PSMA7: variants seen among roughly 807,000 people sequenced by gnomAD.
PSMA7 encodes proteasome subunit alpha type-7.
Under a neutral mutation model 31.3 loss-of-function variants are expected in PSMA7, and 5 were observed. The observed-to-expected ratio is 0.16, with a 90% CI of 0.08 to 0.34. PSMA7 has a LOEUF of 0.34. PSMA7 is among the 10% of genes least tolerant of loss of function. The pLI is 1.00. For missense variants in PSMA7, 217 were observed against 327.5 expected (o/e 0.66, Z 2.60); for synonymous variants, 155 against 121.9 (o/e 1.27, Z -1.79).
In PSMA7 at chr20:62,139,796, G is replaced by C; in HGVS notation, c.333C>G (p.Ile111Met). Residue 111 changes from isoleucine to methionine, a missense_variant, in exon 3 of 7, where the codon ATC becomes ATG. Transcript: ENST00000370873. ...AGGCACCCACCTGCTTCAGACTGGC[G>C]ATGTAGCGGGTGATGTACTCCACAG... ...PVTVEYITRY[I>M]ASLKQRYTQS... The C allele has an allele frequency of 6.2e-7, 1 of 1,614,082 alleles. No individual in the cohort carries two copies. The highest frequency in any genetic ancestry group is 8.5e-7 in the Non-Finnish European group (1 of 1,180,044).
chr20:62,137,201 A>T (rs577626660), intron 6 of PSMA7, among the ~76,000 whole-genome samples, 163 bp downstream of exon 6: 1 of 152,362 alleles, frequency 6.6e-6, no homozygotes, highest in Non-Finnish European at 1.5e-5. Context: ...TCAGAGGAAG[A>T]TGGGAATCTT....
rs1357355646 is a variant in PSMA7 at position 62,143,286 on chromosome 20, G to A, written c.18C>T (p.Ala6=). 4 of 1,469,004 alleles carry A rather than the reference G, an allele frequency of 2.7e-6. No homozygotes were observed. The highest frequency in any genetic ancestry group is 1.5e-5 in the African/African-American group (1 of 67,162). 91.0% of individuals were successfully genotyped at this position (1,469,004 alleles called of 1,614,324 possible). The change falls in exon 1 of 7, where the codon GCC becomes GCT. Residue 6 remains alanine (A), a synonymous_variant. Coordinates refer to ENST00000370873, the MANE Select transcript of PSMA7 (RefSeq NM_002792.4). ...GGCCGTCGGGCGAGAAGACGGTGAT[G>A]GCGCGGTCGTAGCTCATGCCGGCGG... MSYDR[A]ITVFSPDGHL... is the part of the protein sequence containing the mutation.
chr20:62,143,349 C>T lies in PSMA7; in HGVS notation c.-46G>A. 4.8e-6 allele frequency: 6 copies of T among 1,253,078 alleles called. No individual in the cohort carries two copies. Among genetic ancestry groups the T allele is most frequent in the Non-Finnish European group, 6.3e-6 (6 of 957,392 alleles). 77.6% of individuals were successfully genotyped at this position (1,253,078 alleles called of 1,614,324 possible). ...CTCCTTCCGCCGCGACTCTCAAAAG[C>T]GCACACTCACGGCCCGCGCGCACCC... is the stretch of plus-strand genomic sequence containing the variant. On this transcript the variant is annotated 5_prime_UTR_variant, in exon 1 of 7. Transcript: ENST00000370873.
chr20:62,139,379 G>A (rs571134123), intron 3 of PSMA7, 182 bp from the exon 4 acceptor site: 1 of 826,220 alleles, frequency 1.2e-6, no homozygotes, highest in South Asian at 1.9e-5. Context: ...TTCACTCCTA[G>A]AAAAACTCAC....
chr20:62,138,045 G>C, intron 5 of PSMA7, 126 bp downstream of exon 5: 1 of 1,304,332 alleles, frequency 7.7e-7, no homozygotes, highest in Non-Finnish European at 1.1e-6. Flanking sequence ...GCAGTGCCTG[G>C]AACACAGCAG....
chr20:62,139,564 G>C, intron 3 of PSMA7: 2 of 804,528 alleles, frequency 2.5e-6, no homozygotes, highest in Middle Eastern at 4.7e-4. Flanking sequence ...TCCAGACACA[G>C]GAATTTGGAA....
At chr20:62,141,951 T>C (rs1019738967) in intron 1 of PSMA7, among the ~76,000 whole-genome samples, 5 of 152,248 alleles carry the variant, frequency 3.3e-5, no homozygotes, top group Non-Finnish European at 7.3e-5. Context: ...CTCAGCACTG[T>C]GAGCACCTGG....
At chr20:62,137,330 A>G (rs2056901594) in intron 6 of PSMA7, 34 bp downstream of exon 6, 6 of 1,602,592 alleles carry the variant, frequency 3.7e-6, no homozygotes, top group Non-Finnish European at 4.3e-6. Flanking sequence ...GAGAAAACTG[A>G]CAGGTAAAGA....
Position 62,143,308 on chromosome 20 carries a change from G to A in PSMA7, c.-5C>T, listed in dbSNP as rs759666064. Reference sequence around the variant, plus strand: ...GATGGCGCGGTCGTAGCTCATGCCGGCGGGCGGCGGCCGGGCTCCTTCCGC... The same window carrying A: ...GATGGCGCGGTCGTAGCTCATGCCGACGGGCGGCGGCCGGGCTCCTTCCGC... On this transcript the variant is annotated 5_prime_UTR_variant, in exon 1 of 7. Transcript: ENST00000370873. The A allele has an allele frequency of 2.8e-6, 4 of 1,404,508 alleles. No homozygotes were observed. The highest frequency in any genetic ancestry group is 3.3e-5 in the East Asian group (1 of 30,302). 87.0% of individuals were successfully genotyped at this position (1,404,508 alleles called of 1,614,324 possible). A position where few individuals can be genotyped will look rare whatever the true frequency, so the allele number is the denominator to read the frequency against.
chr20:62,137,063 A>G (rs2056898862), intron 6 of PSMA7, 114 bp from the exon 7 acceptor site: 5 of 1,403,524 alleles, frequency 3.6e-6, no homozygotes, highest in Middle Eastern at 1.9e-4. Context: ...GCCTCTTTGG[A>G]GAGGAACCTC....
At position 62,138,280 on chromosome 20, in the gene PSMA7, A is replaced by G; in HGVS notation, c.482T>C (p.Ile161Thr). The G allele has an allele frequency of 1.2e-6, 2 of 1,609,154 alleles. No homozygotes were observed. The highest frequency in any genetic ancestry group is 1.3e-5 in the African/African-American group (1 of 75,024). ...GCGCACTGACTTGGCACCCCGACCT[A>G]TGGCATTGGCCTAAAACAGACACGT... is the stretch of plus-strand genomic sequence containing the variant. ...GTYHAWKANAIGRGAKSVREF... is the reference protein window; with the variant it reads ...GTYHAWKANATGRGAKSVREF... The change falls in exon 5 of 7, where the codon ATA becomes ACA. Residue 161 changes from isoleucine (I) to threonine (T), a missense_variant. Transcript: ENST00000370873.
chr20:62,142,982 A>G (rs1221931744), intron 1 of PSMA7, among the ~76,000 whole-genome samples: 1 of 150,050 alleles, frequency 6.7e-6, no homozygotes, highest in African/African-American at 2.4e-5. Context: ...CGAGGCGCTG[A>G]GTGGGGAGAA....
intron 1 of PSMA7, among the ~76,000 whole-genome samples, chr20:62,141,686 T>C (rs2056928059): frequency 6.6e-6 from 1 of 152,232 alleles, no homozygotes; most frequent in Non-Finnish European, 1.5e-5. Flanking sequence ...GTTGTGAAAT[T>C]ATATTGAGCC....
At chr20:62,137,582 A>G in intron 5 of PSMA7, 156 bp from the exon 6 acceptor site, 1 of 705,962 alleles carries the variant, frequency 1.4e-6, no homozygotes, top group African/African-American at 1.8e-5. Context: ...TCCTAAACTC[A>G]TGGCCATTTG....
chr20:62,140,646 A>G (rs1436120094), intron 2 of PSMA7, among the ~76,000 whole-genome samples, 172 bp downstream of exon 2: 7 of 152,228 alleles, frequency 4.6e-5, no homozygotes, highest in Non-Finnish European at 1.0e-4. Context: ...TGGCAGAGAG[A>G]GGCCACCAAA....
Position 62,139,565 on chromosome 20 carries a change from G to A in PSMA7, c.348+216C>T, listed in dbSNP as rs535244014. The A allele has an allele frequency of 9.0e-5, 73 of 806,666 alleles. No homozygotes were observed. The African/African-American group carries it at 1.2e-3, about 13-fold the overall frequency. 50.0% of individuals were successfully genotyped at this position (806,666 alleles called of 1,614,324 possible). Reference sequence around the variant, plus strand: ...AGCTATCATTTCCCTCCAGACACAGGAATTTGGAATATCCCATGCCAGGAA... The same window carrying A: ...AGCTATCATTTCCCTCCAGACACAGAAATTTGGAATATCCCATGCCAGGAA... On this transcript the variant is annotated intron_variant, in intron 3 of 6. Coordinates refer to ENST00000370873, the MANE Select transcript of PSMA7 (RefSeq NM_002792.4).
intron 1 of PSMA7, among the ~76,000 whole-genome samples, chr20:62,142,748 A>AG (rs2056942660): frequency 6.6e-6 from 1 of 152,176 alleles, no homozygotes; most frequent in Non-Finnish European, 1.5e-5. Flanking sequence ...GGTCCCCATA[A>AG]GGGGGGTTTG....
intron 2 of PSMA7, 42 bp from the exon 3 acceptor site, chr20:62,139,947 A>C: frequency 6.2e-7 from 1 of 1,603,102 alleles, no homozygotes; most frequent in East Asian, 2.2e-5. Flanking sequence ...GAGACAGCAC[A>C]AACTACAGGG....
chr20:62,143,343 C>G lies in PSMA7; in HGVS notation c.-40G>C. On this transcript the variant is annotated 5_prime_UTR_variant, in exon 1 of 7. Coordinates refer to ENST00000370873, the MANE Select transcript of PSMA7 (RefSeq NM_002792.4). Reference sequence around the variant, plus strand: ...GCCGGGCTCCTTCCGCCGCGACTCTCAAAAGCGCACACTCACGGCCCGCGC... The same window carrying G: ...GCCGGGCTCCTTCCGCCGCGACTCTGAAAAGCGCACACTCACGGCCCGCGC... 7.7e-7 allele frequency: 1 copy of G among 1,294,036 alleles called. No homozygotes were observed. The highest frequency in any genetic ancestry group is 1.0e-6 in the Non-Finnish European group (1 of 986,868). 80.2% of individuals were successfully genotyped at this position (1,294,036 alleles called of 1,614,324 possible).
Sources: allele counts gnomAD v4.1 joint callset (sites outside exome capture counted in the v4.1 genomes callset), GRCh38; gene constraint gnomAD v4.1.1; transcripts MANE v1.5; gene names NCBI Gene and HGNC (gene_info 2026-07-23, HGNC 2026-07-21).